The following UACA variants were observed in gnomAD, a reference collection of about 807,000 sequenced individuals.
UACA encodes the protein uveal autoantigen with coiled-coil domains and ankyrin repeats.
In UACA, 112 loss-of-function variants were observed where a neutral mutation model predicts 160.5. The observed-to-expected ratio is 0.70, with a 90% CI of 0.60 to 0.82. The LOEUF is 0.82. UACA is among the 40% of genes least tolerant of loss of function. The pLI is 0.00. For synonymous variants in UACA, 557 were observed against 568.4 expected (o/e 0.98, Z 0.29); for missense variants, 1,574 against 1,614.6 (o/e 0.97, Z 0.43).
At chr15:70,756,997 T>C (rs938066697) in intron 1 of UACA, among the ~76,000 whole-genome samples, 1 of 152,242 alleles carries the variant, frequency 6.6e-6, no homozygotes, top group African/African-American at 2.4e-5. Context: ...ATTTCCTCGA[T>C]TGTTTCATAA....
At chr15:70,722,885 C>T (rs1328140206) in intron 1 of UACA, among the ~76,000 whole-genome samples, 3 of 152,042 alleles carry the variant, frequency 2.0e-5, no homozygotes, top group Non-Finnish European at 2.9e-5. Context: ...AAGGTGGCAC[C>T]ACTCAGAAGC....
intron 1 of UACA, among the ~76,000 whole-genome samples, chr15:70,710,976 C>T (rs950231808): frequency 6.6e-6 from 1 of 152,142 alleles, no homozygotes; most frequent in Non-Finnish European, 1.5e-5. Context: ...GCTGAAAGTT[C>T]CAACCCTCTA....
chr15:70,676,631 G>T, intron 12 of UACA, 40 bp from the exon 13 acceptor site: 2 of 1,515,814 alleles, frequency 1.3e-6, no homozygotes, highest in Non-Finnish European at 1.8e-6. Flanking sequence ...ATCACCCTGT[G>T]CTTGGAATTG....
At chr15:70,687,518 G>C (rs1163599908) in intron 7 of UACA, 22 bp downstream of exon 7, 9 of 1,608,630 alleles carry the variant, frequency 5.6e-6, no homozygotes, top group Non-Finnish European at 7.7e-6. Flanking sequence ...CTGGTATCTG[G>C]GAGCCATGAT....
chr15:70,720,375 A>G (rs2140987350), intron 1 of UACA, among the ~76,000 whole-genome samples: 1 of 152,272 alleles, frequency 6.6e-6, no homozygotes, highest in East Asian at 1.9e-4. Flanking sequence ...TTGTATGATC[A>G]TGACTAACTG....
chr15:70,703,296 A>C (rs1377729747), intron 1 of UACA: 29 of 1,282,808 alleles, frequency 2.3e-5, no homozygotes, highest in Non-Finnish European at 2.9e-5. Context: ...AAAACATTCC[A>C]ACACAAGTGT....
At chr15:70,715,595 T>C (rs1471373790) in intron 1 of UACA, among the ~76,000 whole-genome samples, 1 of 152,192 alleles carries the variant, frequency 6.6e-6, no homozygotes, top group Non-Finnish European at 1.5e-5. Context: ...GCATATGTTT[T>C]TGTAAACATA....
chr15:70,709,075 C>T (rs925254077), intron 1 of UACA, among the ~76,000 whole-genome samples: 1 of 152,144 alleles, frequency 6.6e-6, no homozygotes, highest in Non-Finnish European at 1.5e-5. Flanking sequence ...ACAAAAGATA[C>T]CTCTCTGCTT....
At chr15:70,687,958 T>C in intron 5 of UACA, 138 bp from the exon 6 acceptor site, 2 of 730,026 alleles carry the variant, frequency 2.7e-6, no homozygotes, top group Non-Finnish European at 4.5e-6. Flanking sequence ...TAGTTTAGCA[T>C]TATAAGCACA....
chr15:70,713,880 C>A (rs1898754280), intron 1 of UACA, among the ~76,000 whole-genome samples: 2 of 152,014 alleles, frequency 1.3e-5, no homozygotes, highest in African/African-American at 4.8e-5. Flanking sequence ...TTACAATGAA[C>A]CATGCTAAAA....
At chr15:70,695,242 C>T in intron 2 of UACA, 137 bp from the exon 3 acceptor site, 1 of 511,612 alleles carries the variant, frequency 2.0e-6, no homozygotes. Flanking sequence ...ATTAGAACAC[C>T]TACATATTTA....
At chr15:70,701,149 C>T (rs967814397) in intron 1 of UACA, among the ~76,000 whole-genome samples, 1 of 152,136 alleles carries the variant, frequency 6.6e-6, no homozygotes, top group African/African-American at 2.4e-5. Context: ...CAAGTACCTA[C>T]ACAGATTTCA....
chr15:70,661,720 C>T (rs536236368), intron 17 of UACA: 11 of 152,272 alleles, frequency 7.2e-5, no homozygotes, highest in African/African-American at 2.4e-4. Context: ...AGTAGGATCA[C>T]TTGAGCCCAG....
chr15:70,775,867 C>T, the UACA span, among the ~76,000 whole-genome samples: 4 of 152,132 alleles, frequency 2.6e-5, no homozygotes, highest in Non-Finnish European at 4.4e-5. Context: ...AAACAATTCA[C>T]GCATAGAAAT....
At chr15:70,694,946 TA>T in intron 3 of UACA, 70 bp downstream of exon 3, 1 of 1,214,670 alleles carries the variant, frequency 8.2e-7, no homozygotes, top group Non-Finnish European at 1.2e-6. Flanking sequence ...TAGGTCTGAA[TA>T]AAAATGTTAG....
chr15:70,762,448 T>A (rs1379515037), intron 1 of UACA, among the ~76,000 whole-genome samples: 3 of 152,230 alleles, frequency 2.0e-5, no homozygotes, highest in African/African-American at 7.2e-5. Flanking sequence ...TTTAATGATA[T>A]AGAATTTTGA....
intron 1 of UACA, among the ~76,000 whole-genome samples, chr15:70,762,839 G>C (rs967524558): frequency 1.3e-5 from 2 of 152,252 alleles, no homozygotes; most frequent in Non-Finnish European, 2.9e-5. Context: ...CAGACCCGGG[G>C]AAGGTCCGGA....
rs1179897045 is a variant in UACA at position 70,691,381 on chromosome 15, T to C, written c.302-18A>G. ...ATTTCTCCCTATAAATAATTTAAGA[T>C]ACATGTGAAGGATTATTTTCTTCAT... On this transcript the variant is annotated intron_variant, in intron 3 of 18. Transcript: ENST00000322954. 1.3e-6 allele frequency: 2 copies of C among 1,574,546 alleles called. No individual in the cohort carries two copies. The highest frequency in any genetic ancestry group is 1.7e-6 in the Non-Finnish European group (2 of 1,150,100).
At chr15:70,761,524 C>G (rs923945228) in intron 1 of UACA, among the ~76,000 whole-genome samples, 7 of 152,064 alleles carry the variant, frequency 4.6e-5, no homozygotes, top group African/African-American at 1.7e-4. Context: ...GTGTTTTATT[C>G]TATCAATGCT....
Sources: allele counts gnomAD v4.1 joint callset (sites outside exome capture counted in the v4.1 genomes callset), GRCh38; gene constraint gnomAD v4.1.1; transcripts MANE v1.5; gene names NCBI Gene and HGNC (gene_info 2026-07-23, HGNC 2026-07-21).